Variants in SDK1 observed in about 807,000 individuals in gnomAD.
The protein encoded by SDK1 is sidekick cell adhesion molecule 1.
A neutral mutation model predicts 245.5 loss-of-function variants in SDK1; 157 were observed. That is an observed-to-expected ratio of 0.64 (90% CI 0.56 to 0.73). SDK1 has a LOEUF of 0.73. Ranked by LOEUF, SDK1 falls within the 30% of genes least tolerant of loss-of-function variation. The probability of loss-of-function intolerance (pLI) is 0.00; values close to 1 mark genes in which losing one functional copy is unlikely to be tolerated. For missense variants in SDK1, 3,583 were observed against 3,002.3 expected, an observed-to-expected ratio of 1.19 and a Z score of -4.52; for synonymous variants, 1,647 against 1,278.5, an observed-to-expected ratio of 1.29 and a Z score of -6.15.
chr7:3,832,403 G>C (rs1193017046), intron 5 of SDK1, among the ~76,000 whole-genome samples: 1 of 152,150 alleles, frequency 6.6e-6, no homozygotes, highest in Non-Finnish European at 1.5e-5. Context: ...TTACCACTTA[G>C]TCATAATGTT....
chr7:4,206,610 C>G (rs1453484348), intron 36 of SDK1, among the ~76,000 whole-genome samples: 1 of 152,150 alleles, frequency 6.6e-6, no homozygotes, highest in Non-Finnish European at 1.5e-5. Flanking sequence ...GACAGGAGAG[C>G]GTCGAGTGAG....
chr7:3,406,383 T>C (rs763318327), intron 1 of SDK1, among the ~76,000 whole-genome samples: 1 of 152,216 alleles, frequency 6.6e-6, no homozygotes, highest in Admixed American at 6.5e-5. Context: ...TGTTTCTTTC[T>C]GTGGAGTTAC....
At chr7:3,302,697 A>G (rs961875050) in intron 1 of SDK1, among the ~76,000 whole-genome samples, 6 of 149,422 alleles carry the variant, frequency 4.0e-5, no homozygotes, top group Non-Finnish European at 5.9e-5. Flanking sequence ...TCTTTAAACC[A>G]AAACACCCCC....
At chr7:3,946,076 A>T (rs765657112) in intron 5 of SDK1, among the ~76,000 whole-genome samples, 6 of 151,416 alleles carry the variant, frequency 4.0e-5, no homozygotes, top group Non-Finnish European at 8.9e-5. Flanking sequence ...GAGGGGAGAA[A>T]ATTATGAAGG....
intron 4 of SDK1, among the ~76,000 whole-genome samples, chr7:3,801,102 A>C (rs148703929): frequency 6.3e-4 from 96 of 152,300 alleles, no homozygotes; most frequent in African/African-American, 2.2e-3. Flanking sequence ...GACTAACCTG[A>C]TGGTTTTTGA....
chr7:3,766,335 T>C (rs886756755), intron 4 of SDK1, among the ~76,000 whole-genome samples: 1 of 152,202 alleles, frequency 6.6e-6, no homozygotes. Flanking sequence ...ACGTTATTAA[T>C]TGCAAAGTGT....
chr7:3,589,259 T>G (rs145102199), intron 1 of SDK1, among the ~76,000 whole-genome samples: 57 of 152,284 alleles, frequency 3.7e-4, no homozygotes, highest in African/African-American at 1.3e-3. Context: ...ACAGGTGGTG[T>G]TGGCCTTTTG....
chr7:3,634,102 G>T (rs965836814), intron 2 of SDK1, among the ~76,000 whole-genome samples: 4 of 152,148 alleles, frequency 2.6e-5, no homozygotes, highest in Non-Finnish European at 5.9e-5. Flanking sequence ...TCTCAGAGCT[G>T]GTACCTGTAG....
intron 4 of SDK1, among the ~76,000 whole-genome samples, chr7:3,704,258 G>A (rs1004552736): frequency 6.6e-6 from 1 of 151,452 alleles, no homozygotes; most frequent in African/African-American, 2.4e-5. Context: ...ATTCTATGGT[G>A]TATATATACC....
intron 1 of SDK1, among the ~76,000 whole-genome samples, chr7:3,340,117 C>CT (rs112929410): frequency 0.1 from 15,865 of 151,826 alleles, 1,052 homozygotes; most frequent in African/African-American, 0.18. Context: ...TTTTAATTAG[C>CT]TTTTTATTTT....
intron 4 of SDK1, among the ~76,000 whole-genome samples, chr7:3,645,764 A>G (rs1583266217): frequency 6.6e-6 from 1 of 152,186 alleles, no homozygotes; most frequent in African/African-American, 2.4e-5. Context: ...CATATTTGTT[A>G]TATACCCACA....
intron 22 of SDK1, among the ~76,000 whole-genome samples, chr7:4,089,644 C>G (rs1369695051): frequency 6.6e-6 from 1 of 152,230 alleles, no homozygotes; most frequent in African/African-American, 2.4e-5. Flanking sequence ...GTGGAGCCCA[C>G]GTGTGGGTGA....
At chr7:4,051,301 G>T (rs1789459666) in intron 18 of SDK1, among the ~76,000 whole-genome samples, 1 of 144,120 alleles carries the variant, frequency 6.9e-6, no homozygotes. Flanking sequence ...TGTTATATAT[G>T]GATATATGTA....
intron 5 of SDK1, among the ~76,000 whole-genome samples, chr7:3,862,047 G>C (rs1203427164): frequency 3.9e-5 from 6 of 152,214 alleles, no homozygotes; most frequent in African/African-American, 1.4e-4. Flanking sequence ...CCAGAGCACG[G>C]TTTGAAAAAG....
intron 9 of SDK1, among the ~76,000 whole-genome samples, chr7:3,966,556 C>T (rs181618465): frequency 3.2e-4 from 49 of 152,270 alleles, no homozygotes; most frequent in African/African-American, 1.1e-3. Context: ...GGGATCATGA[C>T]ACCTCCCAGA....
Position 3,821,598 on chromosome 7 carries a change from C to T in SDK1, c.847+15C>T, listed in dbSNP as rs145476836. On this transcript the variant is annotated intron_variant, in intron 5 of 44. Transcript: ENST00000404826. ...GAGCATAGCAAGTGAGTTTTGAAAT[C>T]CCAAATGGTAATTCTGCAAGCAATA... The T allele has an allele frequency of 1.9e-6, 3 of 1,610,292 alleles. No individual in the cohort carries two copies. Among genetic ancestry groups the T allele is most frequent in the African/African-American group, 2.7e-5 (2 of 74,828 alleles).
chr7:3,900,142 A>C (rs1224206616), intron 5 of SDK1, among the ~76,000 whole-genome samples: 1 of 152,166 alleles, frequency 6.6e-6, no homozygotes, highest in Admixed American at 6.5e-5. Context: ...CATGAACCTG[A>C]AGTTGGTGCT....
rs558442113 is a variant in SDK1, at chr7:3,835,713, A to G, written c.847+14130A>G. Among the ~76,000 whole-genome samples, 28 of 152,316 alleles carry G rather than the reference A, an allele frequency of 1.8e-4. No homozygotes were observed. The South Asian group carries it at 5.6e-3, about 30-fold the overall frequency. The stretch of plus-strand genomic sequence containing the variant: ...AAGATGTATTTACTGAGTGTTCACT[A>G]AGCATTATAGGCATTGAGGATATCA... On this transcript the variant is annotated intron_variant, in intron 5 of 44. Transcript: ENST00000404826.
chr7:3,443,475 A>T (rs1164750614), intron 1 of SDK1, among the ~76,000 whole-genome samples: 1 of 152,208 alleles, frequency 6.6e-6, no homozygotes, highest in Non-Finnish European at 1.5e-5. Flanking sequence ...TATACCCTGA[A>T]TATTTTCCAG....
Sources: allele counts gnomAD v4.1 joint callset (sites outside exome capture counted in the v4.1 genomes callset), GRCh38; gene constraint gnomAD v4.1.1; transcripts MANE v1.5; gene names NCBI Gene and HGNC (gene_info 2026-07-23, HGNC 2026-07-21).